The following ITPR2 variants were observed in gnomAD, a reference collection of about 807,000 sequenced individuals.
The protein encoded by ITPR2 is inositol 1,4,5-trisphosphate-gated calcium channel ITPR2.
Under a neutral mutation model 317.1 loss-of-function variants are expected in ITPR2, and 207 were observed. The ratio of observed to expected loss-of-function variants is 0.65; its 90% CI spans 0.58 to 0.73. The LOEUF (loss-of-function observed/expected upper bound fraction) is 0.73, where lower values mean the gene tolerates loss of function less well. ITPR2 is among the 30% of genes least tolerant of loss of function. The pLI, the probability that ITPR2 is intolerant of heterozygous loss-of-function variation, is 0.00. For synonymous variants in ITPR2, 1,156 were observed against 1,149.1 expected (o/e 1.01, Z -0.12); for missense variants, 2,613 against 3,284.0 (o/e 0.80, Z 4.99).
At chr12:26,632,317 C>A (rs1946773125) in intron 21 of ITPR2, among the ~76,000 whole-genome samples, 1 of 152,138 alleles carries the variant, frequency 6.6e-6, no homozygotes, top group South Asian at 2.1e-4. Flanking sequence ...CAAAGGTGAG[C>A]AGGTTGCTCT....
At chr12:26,383,763 T>C (rs1254782537) in intron 55 of ITPR2, among the ~76,000 whole-genome samples, 1 of 151,988 alleles carries the variant, frequency 6.6e-6, no homozygotes, top group Non-Finnish European at 1.5e-5. Context: ...CCCAAAGTGC[T>C]GGGATTACAG....
chr12:26,689,454 G>T (rs1045572318), intron 10 of ITPR2, among the ~76,000 whole-genome samples: 5 of 151,910 alleles, frequency 3.3e-5, no homozygotes, highest in Non-Finnish European at 5.9e-5. Context: ...AAAAAAGAGA[G>T]GGAGGGAGGC....
At chr12:26,451,365 T>TCTCACACACA (rs368381589) in intron 45 of ITPR2, among the ~76,000 whole-genome samples, 1 of 136,324 alleles carries the variant, frequency 7.3e-6, no homozygotes, top group Non-Finnish European at 1.5e-5. Context: ...TTCTCTCATA[T>TCTCACACACA]CACACACACA....
At chr12:26,809,506 A>T (rs1313884449) in intron 1 of ITPR2, among the ~76,000 whole-genome samples, 2 of 152,206 alleles carry the variant, frequency 1.3e-5, no homozygotes, top group African/African-American at 4.8e-5. Context: ...ATATCTCCCT[A>T]GGAACAGGCA....
intron 54 of ITPR2, among the ~76,000 whole-genome samples, chr12:26,388,691 T>G (rs114630023): frequency 0.014 from 2,056 of 152,180 alleles, 42 homozygotes; most frequent in African/African-American, 0.047. Context: ...AGACCTTTTT[T>G]AAATAATAAG....
intron 2 of ITPR2, among the ~76,000 whole-genome samples, chr12:26,746,052 T>A (rs1949316885): frequency 6.6e-6 from 1 of 152,064 alleles, no homozygotes; most frequent in Non-Finnish European, 1.5e-5. Flanking sequence ...AGACTGTGAA[T>A]CCCTCAAATT....
intron 45 of ITPR2, 112 bp downstream of exon 45, chr12:26,475,184 T>G: frequency 8.3e-7 from 1 of 1,203,214 alleles, no homozygotes; most frequent in East Asian, 2.4e-5. Context: ...AAACCTAGGA[T>G]GGTAAGTGCT....
At chr12:26,774,273 T>A (rs1490876499) in intron 2 of ITPR2, among the ~76,000 whole-genome samples, 1 of 152,154 alleles carries the variant, frequency 6.6e-6, no homozygotes, top group African/African-American at 2.4e-5. Flanking sequence ...ACAACTATGT[T>A]ACATGCTCGG....
chr12:26,596,376 G>A (rs1945844559), intron 31 of ITPR2, among the ~76,000 whole-genome samples: 1 of 152,196 alleles, frequency 6.6e-6, no homozygotes, highest in Admixed American at 6.5e-5. Flanking sequence ...GCTGGCTGTG[G>A]TGGCTCACGC....
intron 46 of ITPR2, among the ~76,000 whole-genome samples, chr12:26,439,755 T>C (rs1208837692): frequency 6.6e-6 from 1 of 152,202 alleles, no homozygotes; most frequent in East Asian, 1.9e-4. Flanking sequence ...ACAAATGACA[T>C]ATTCAGCATT....
chr12:26,664,009 A>T (rs1222238577), intron 14 of ITPR2, among the ~76,000 whole-genome samples, 163 bp from the exon 15 acceptor site: 1 of 152,252 alleles, frequency 6.6e-6, no homozygotes, highest in Non-Finnish European at 1.5e-5. Context: ...CAACATATCA[A>T]GGATCAGAAA....
At chr12:26,724,461 T>C (rs1948886539) in intron 4 of ITPR2, among the ~76,000 whole-genome samples, 195 bp downstream of exon 4, 1 of 152,186 alleles carries the variant, frequency 6.6e-6, no homozygotes, top group South Asian at 2.1e-4. Flanking sequence ...ATGTGTAAAA[T>C]CAGATTTATT....
intron 2 of ITPR2, among the ~76,000 whole-genome samples, chr12:26,766,977 T>C (rs993698887): frequency 2.0e-5 from 3 of 152,170 alleles, no homozygotes; most frequent in Non-Finnish European, 1.5e-5. Flanking sequence ...ATATAATACA[T>C]CATACATACT....
At chr12:26,381,653 T>G (rs932399308) in intron 55 of ITPR2, among the ~76,000 whole-genome samples, 1 of 152,222 alleles carries the variant, frequency 6.6e-6, no homozygotes, top group Admixed American at 6.5e-5. Flanking sequence ...TCATCAACAC[T>G]GCTGCAATGT....
At chr12:26,574,151 A>G (rs533617844) in intron 34 of ITPR2, among the ~76,000 whole-genome samples, 1 of 152,236 alleles carries the variant, frequency 6.6e-6, no homozygotes, top group South Asian at 2.1e-4. Flanking sequence ...TTTTTCAAGT[A>G]GCACAGAAAT....
chr12:26,365,918 T>C (rs1938993806), intron 55 of ITPR2, among the ~76,000 whole-genome samples: 1 of 152,172 alleles, frequency 6.6e-6, no homozygotes, highest in Non-Finnish European at 1.5e-5. Flanking sequence ...CACTGTCAAA[T>C]TTACCATGAA....
At chr12:26,730,861 GT>G (rs1347079829) in intron 2 of ITPR2, among the ~76,000 whole-genome samples, 1 of 152,148 alleles carries the variant, frequency 6.6e-6, no homozygotes, top group Non-Finnish European at 1.5e-5. Context: ...CCCACAGCAC[GT>G]TAACACTGTA....
chr12:26,779,534 G>C (rs1343584715), intron 2 of ITPR2, among the ~76,000 whole-genome samples: 1 of 152,202 alleles, frequency 6.6e-6, no homozygotes, highest in Non-Finnish European at 1.5e-5. Context: ...CCTGCCACCA[G>C]GCCTTCTCTC....
intron 45 of ITPR2, among the ~76,000 whole-genome samples, chr12:26,461,621 CATATAAATATATATATATATATATATAT>C (rs36228549): frequency 0.54 from 64,700 of 119,376 alleles, 18,538 homozygotes; most frequent in South Asian, 0.66. Flanking sequence ...AAAAGAAAAG[CATATAAATATATATATATATATATATAT>C]ATATATATAT....
Sources: gnomAD v4.1 joint callset for allele counts (sites outside exome capture counted in the v4.1 genomes callset) on GRCh38, gnomAD v4.1.1 for gene constraint, MANE v1.5 for transcripts, NCBI Gene and HGNC (gene_info 2026-07-23, HGNC 2026-07-21) for gene names.